FADS2: variants seen among roughly 807,000 people sequenced by gnomAD.
The protein encoded by FADS2 is fatty acid desaturase 2, also known as acyl-CoA 6-desaturase.
A neutral mutation model predicts 61.2 loss-of-function variants in FADS2; 18 were observed. That is an observed-to-expected ratio of 0.29 (90% CI 0.20 to 0.44). The LOEUF (loss-of-function observed/expected upper bound fraction) is 0.44. FADS2 is among the 20% of genes least tolerant of loss of function. The pLI is 1.00. For missense variants in FADS2, 322 were observed against 572.7 expected (o/e 0.56, Z 4.47); for synonymous variants, 203 against 223.9 (o/e 0.91, Z 0.83).
At chr11:61,830,520 C>T (rs1374368853) in intron 1 of FADS2, among the ~76,000 whole-genome samples, 1 of 152,222 alleles carries the variant, frequency 6.6e-6, no homozygotes, top group African/African-American at 2.4e-5. Flanking sequence ...TCTTCCCTGA[C>T]CTTTTCTCTG....
intron 7 of FADS2, among the ~76,000 whole-genome samples, chr11:61,858,723 G>GT (rs1266317002): frequency 6.7e-6 from 1 of 149,198 alleles, no homozygotes; most frequent in Non-Finnish European, 1.5e-5. Flanking sequence ...GTAGCTGGGA[G>GT]TACAGGCGCC....
upstream of FADS2, among the ~76,000 whole-genome samples, chr11:61,826,741 T>C (rs1030985821): frequency 6.6e-6 from 1 of 152,080 alleles, no homozygotes; most frequent in Non-Finnish European, 1.5e-5. Flanking sequence ...TGAAATGTGA[T>C]GGGAGAGGTT....
intron 9 of FADS2, 71 bp from the exon 10 acceptor site, chr11:61,863,636 G>T: frequency 1.5e-6 from 2 of 1,352,918 alleles, no homozygotes; most frequent in Non-Finnish European, 2.1e-6. Context: ...GGTAAGGCTG[G>T]GCCCCCTGGG....
chr11:61,864,165 C>T, intron 10 of FADS2: 1 of 206,018 alleles, frequency 4.9e-6, no homozygotes, highest in Non-Finnish European at 9.7e-6. Flanking sequence ...GCCCCTTGTC[C>T]TTGCTTCACC....
intron 5 of FADS2, among the ~76,000 whole-genome samples, chr11:61,850,929 C>T (rs1428993070): frequency 6.6e-6 from 1 of 152,170 alleles, no homozygotes; most frequent in East Asian, 1.9e-4. Flanking sequence ...TGTACACCCT[C>T]TTCTTATTTC....
intron 1 of FADS2, among the ~76,000 whole-genome samples, chr11:61,818,902 G>A (rs536774847): frequency 2.0e-5 from 3 of 150,632 alleles, no homozygotes; most frequent in Admixed American, 6.6e-5. Context: ...ATGGAGTCTC[G>A]CTCTGTCGCC....
upstream of FADS2, among the ~76,000 whole-genome samples, chr11:61,824,819 G>A (rs867029013): frequency 3.3e-5 from 5 of 152,258 alleles, no homozygotes; most frequent in Middle Eastern, 0.01. Flanking sequence ...GAATGGGGGA[G>A]AATTATTTCT....
In FADS2 at chr11:61,857,836, C is replaced by T. The variant is rs1048276785; in HGVS notation, c.882+306C>T. Among the ~76,000 whole-genome samples, 4 of 152,296 alleles carry T rather than the reference C, an allele frequency of 2.6e-5. No homozygotes were observed. The East Asian group carries it at 7.7e-4, about 29-fold the overall frequency. On this transcript the variant is annotated intron_variant, in intron 7 of 11. Coordinates refer to ENST00000278840, the MANE Select transcript of FADS2 (RefSeq NM_004265.4). ...CAAGTGTGGCCATCTCCCTTCCCCG[C>T]TCCCTGTGGGCCCTGAGTCCCATGA... is the stretch of plus-strand genomic sequence containing the variant.
chr11:61,837,213 T>C (rs1280497289), intron 1 of FADS2, among the ~76,000 whole-genome samples: 1 of 152,244 alleles, frequency 6.6e-6, no homozygotes, highest in Non-Finnish European at 1.5e-5. Context: ...TGTGCAATAA[T>C]AGCCTAGATC....
upstream of FADS2, chr11:61,825,898 A>G: frequency 1.7e-6 from 1 of 591,472 alleles, no homozygotes; most frequent in South Asian, 2.1e-5. Context: ...ATCTCAAAAA[A>G]AAATTAGAGG....
In FADS2 at chr11:61,857,541, G is replaced by A. The variant is rs367721490; in HGVS notation, c.882+11G>A. ...CATAAGAACTGGGTGGTGAGTTGGG[G>A]ACACAGCTGGCTTGGCATGGGGAGG... On this transcript the variant is annotated intron_variant, in intron 7 of 11. Transcript: ENST00000278840. 1.4e-5 allele frequency: 22 copies of A among 1,611,038 alleles called. No homozygotes were observed. In the African/African-American group the frequency reaches 2.5e-4, roughly 19 times the overall value.
At chr11:61,833,246 G>A (rs2067143827) in intron 1 of FADS2, among the ~76,000 whole-genome samples, 1 of 152,174 alleles carries the variant, frequency 6.6e-6, no homozygotes, top group Non-Finnish European at 1.5e-5. Context: ...GAAAGTCTCT[G>A]GCTTCTCTCC....
intron 7 of FADS2, among the ~76,000 whole-genome samples, chr11:61,860,788 A>G (rs1001247968): frequency 6.6e-6 from 1 of 152,184 alleles, no homozygotes; most frequent in East Asian, 1.9e-4. Flanking sequence ...GCGCGCCTGT[A>G]ATCTACCTAC....
At chr11:61,830,232 GA>G (rs1261696021) in intron 1 of FADS2, among the ~76,000 whole-genome samples, 1 of 152,210 alleles carries the variant, frequency 6.6e-6, no homozygotes, top group Non-Finnish European at 1.5e-5. Context: ...GTAAATTGTA[GA>G]AGGTTCCTGT....
Position 61,840,261 on chromosome 11 carries a change from T to TTTCA in FADS2, c.319-73_319-72insTTCA. The TTTCA allele has an allele frequency of 5.4e-6, 7 of 1,287,236 alleles. No homozygotes were observed. In the East Asian group the frequency reaches 1.6e-4, roughly 30 times the overall value. 79.7% of individuals were successfully genotyped at this position (1,287,236 alleles called of 1,614,324 possible). On this transcript the variant is annotated intron_variant, in intron 2 of 11. Transcript: ENST00000278840. ...CTGGGTTGTGCATTGGCTGTTGAAATGGCAGCTCGAGACATATGTTCCCTC... is the reference window on the plus strand; with the variant it reads ...CTGGGTTGTGCATTGGCTGTTGAAATTTCAGGCAGCTCGAGACATATGTTCCCTC...
chr11:61,819,231 G>A (rs1340506626), intron 1 of FADS2, among the ~76,000 whole-genome samples: 1 of 152,180 alleles, frequency 6.6e-6, no homozygotes, highest in Non-Finnish European at 1.5e-5. Context: ...AAATAAAAAT[G>A]TTCCCAATAA....
chr11:61,850,004 C>T (rs1046977591), intron 5 of FADS2, among the ~76,000 whole-genome samples: 7 of 151,926 alleles, frequency 4.6e-5, no homozygotes, highest in East Asian at 1.9e-4. Flanking sequence ...TGCACTCCAG[C>T]GGGGACAGAA....
intron 8 of FADS2, 22 bp from the exon 9 acceptor site, chr11:61,863,260 G>A (rs368915816): frequency 6.9e-5 from 110 of 1,597,310 alleles, no homozygotes; most frequent in Non-Finnish European, 8.8e-5. Context: ...AGGCCCCTGC[G>A]CTGAGCTGTG....
At chr11:61,860,407 G>C (rs2067403093) in intron 7 of FADS2, among the ~76,000 whole-genome samples, 1 of 152,224 alleles carries the variant, frequency 6.6e-6, no homozygotes, top group African/African-American at 2.4e-5. Flanking sequence ...CCACGTCCTG[G>C]ATCCTGAGAT....
Sources: allele counts gnomAD v4.1 joint callset (sites outside exome capture counted in the v4.1 genomes callset), GRCh38; gene constraint gnomAD v4.1.1; transcripts MANE v1.5; gene names NCBI Gene and HGNC (gene_info 2026-07-23, HGNC 2026-07-21).